The following RHBDD1 variants were observed in gnomAD, a reference collection of about 807,000 sequenced individuals.
The protein encoded by RHBDD1 is rhomboid-related protein 4.
In RHBDD1, 38 loss-of-function variants were observed where a neutral mutation model predicts 36.3. The ratio of observed to expected loss-of-function variants is 1.05; its 90% confidence interval spans 0.81 to 1.37. RHBDD1 has a LOEUF of 1.37. Among genes scored for constraint, RHBDD1 ranks in the 40% most tolerant of loss-of-function variants. The pLI is 0.00. For missense variants in RHBDD1, 393 were observed against 377.6 expected, an observed-to-expected ratio of 1.04 and a Z score of -0.34; for synonymous variants, 151 against 136.5, an observed-to-expected ratio of 1.11 and a Z score of -0.74.
At chr2:226,937,317 G>A (rs1046697632) in intron 8 of RHBDD1, among the ~76,000 whole-genome samples, 1 of 152,036 alleles carries the variant, frequency 6.6e-6, no homozygotes. Flanking sequence ...AAATAAAATA[G>A]TACCCGCTTT....
intron 8 of RHBDD1, among the ~76,000 whole-genome samples, chr2:226,949,545 G>A (rs760420119): frequency 6.6e-6 from 1 of 152,142 alleles, no homozygotes; most frequent in Non-Finnish European, 1.5e-5. Context: ...CACAGTCTAT[G>A]TACTTTATTG....
chr2:226,913,204 A>T (rs1383321694), intron 7 of RHBDD1, among the ~76,000 whole-genome samples: 1 of 152,048 alleles, frequency 6.6e-6, no homozygotes, highest in Non-Finnish European at 1.5e-5. Context: ...GTACTGCTGT[A>T]CTCTGTGGGA....
At chr2:226,918,570 C>G (rs1949084310) in intron 8 of RHBDD1, among the ~76,000 whole-genome samples, 1 of 152,016 alleles carries the variant, frequency 6.6e-6, no homozygotes, top group African/African-American at 2.4e-5. Flanking sequence ...CAAAATTTGT[C>G]TTTCTGTGCC....
Position 226,995,826 on chromosome 2 carries a change from T to C in RHBDD1, c.*304T>C. 1 of 353,386 alleles carries C rather than the reference T, an allele frequency of 2.8e-6. No individual in the cohort carries two copies. Among genetic ancestry groups the C allele is most frequent in the South Asian group, 5.4e-5 (1 of 18,618 alleles). 21.9% of individuals were successfully genotyped at this position (353,386 alleles called of 1,614,324 possible). ...AGCGATGCCTCTGCCTCGGTCTGCT[T>C]TTGAAGACTGTGACCTTCACCAGGA... is the stretch of plus-strand genomic sequence containing the variant. On this transcript the variant is annotated 3_prime_UTR_variant, in exon 9 of 9. Transcript: ENST00000392062.
intron 3 of RHBDD1, among the ~76,000 whole-genome samples, chr2:226,854,319 G>T (rs189065146): frequency 3.1e-4 from 47 of 152,190 alleles, no homozygotes; most frequent in Non-Finnish European, 4.3e-4. Context: ...AGGGCCGGGC[G>T]TGGTGGCTCA....
At chr2:226,887,362 A>G (rs1346318696) in intron 5 of RHBDD1, among the ~76,000 whole-genome samples, 3 of 152,230 alleles carry the variant, frequency 2.0e-5, no homozygotes, top group African/African-American at 4.8e-5. Flanking sequence ...TACCCAGAGA[A>G]CATTCAATTA....
At chr2:226,844,926 A>G (rs1382179789) in intron 3 of RHBDD1, among the ~76,000 whole-genome samples, 1 of 152,126 alleles carries the variant, frequency 6.6e-6, no homozygotes, top group African/African-American at 2.4e-5. Context: ...TTTAGCCATT[A>G]TTTTTTATGT....
chr2:226,944,271 G>A (rs558833594), intron 8 of RHBDD1, among the ~76,000 whole-genome samples: 1 of 152,286 alleles, frequency 6.6e-6, no homozygotes, highest in Admixed American at 6.5e-5. Flanking sequence ...CTCTATTGTA[G>A]ATAGGATTTT....
At chr2:226,809,964 C>T in the RHBDD1 span, among the ~76,000 whole-genome samples, 74 of 152,240 alleles carry the variant, frequency 4.9e-4, no homozygotes, top group African/African-American at 1.7e-3. Context: ...CATAAAATTA[C>T]CATGTCATTG....
intron 8 of RHBDD1, among the ~76,000 whole-genome samples, chr2:226,939,539 C>T (rs182358200): frequency 7.9e-5 from 12 of 151,960 alleles, no homozygotes; most frequent in Admixed American, 6.6e-4. Context: ...CTACAGATGC[C>T]GAGGAGTACA....
At position 226,864,938 on chromosome 2, in the gene RHBDD1, A is replaced by G; in HGVS notation, c.245A>G (p.Tyr82Cys). 1.9e-6 allele frequency: 3 copies of G among 1,614,248 alleles called. No homozygotes were observed. In the South Asian group the frequency reaches 3.3e-5, roughly 18 times the overall value. ...CACCATGCTGATGATTGGCATTTGTATTTCAATATGGCATCCATGCTCTGG... is the reference window on the plus strand; with the variant it reads ...CACCATGCTGATGATTGGCATTTGTGTTTCAATATGGCATCCATGCTCTGG... ...PLHHADDWHLYFNMASMLWKG... is the reference protein window; with the variant it reads ...PLHHADDWHLCFNMASMLWKG... The change falls in exon 4 of 9, where the codon TAT (tyrosine) becomes TGT (cysteine). Residue 82 changes from tyrosine to cysteine, a missense_variant. Transcript: ENST00000392062.
intron 3 of RHBDD1, among the ~76,000 whole-genome samples, chr2:226,854,695 A>T (rs1943151922): frequency 6.6e-6 from 1 of 151,990 alleles, no homozygotes; most frequent in South Asian, 2.1e-4. Flanking sequence ...TCCAGAGTCC[A>T]TTCCATTAAT....
intron 5 of RHBDD1, among the ~76,000 whole-genome samples, chr2:226,898,843 G>C (rs900626445): frequency 2.6e-5 from 4 of 152,128 alleles, no homozygotes; most frequent in Admixed American, 2.0e-4. Flanking sequence ...GGAAGAAATC[G>C]TGGAGAGTAC....
At chr2:226,920,684 T>C (rs1306017056) in intron 8 of RHBDD1, among the ~76,000 whole-genome samples, 1 of 152,178 alleles carries the variant, frequency 6.6e-6, no homozygotes, top group African/African-American at 2.4e-5. Flanking sequence ...ACCACATTGA[T>C]TGATCTGCTT....
intron 8 of RHBDD1, among the ~76,000 whole-genome samples, chr2:226,966,647 C>A (rs149456816): frequency 5.3e-5 from 8 of 152,162 alleles, no homozygotes; most frequent in African/African-American, 1.9e-4. Flanking sequence ...TTTAAATAGC[C>A]ATGTGTGCCT....
At chr2:226,930,329 A>C (rs1184103883) in intron 8 of RHBDD1, among the ~76,000 whole-genome samples, 1 of 152,126 alleles carries the variant, frequency 6.6e-6, no homozygotes, top group East Asian at 1.9e-4. Context: ...AATGGAACAG[A>C]ATAGAGAACC....
intron 5 of RHBDD1, among the ~76,000 whole-genome samples, chr2:226,890,938 C>T (rs1946629189): frequency 6.6e-6 from 1 of 152,140 alleles, no homozygotes; most frequent in Non-Finnish European, 1.5e-5. Flanking sequence ...TATGATGAAA[C>T]TCAGATTCTT....
rs556553118 is a variant in RHBDD1 at position 226,891,865 on chromosome 2, C to G, written c.567-14928C>G. 1.2e-3 allele frequency among the ~76,000 whole-genome samples: 177 copies of G among 152,276 alleles called. 1 individual carries two copies. The highest frequency in any genetic ancestry group is 2.1e-3 in the Non-Finnish European group (144 of 68,014). On this transcript the variant is annotated intron_variant, in intron 5 of 8. Coordinates refer to ENST00000392062, the MANE Select transcript of RHBDD1 (RefSeq NM_001167608.3). ...TGGCAGGATGCTTGTTGCCATTGGTCAGTGCTTCACTGGACTGTCATCACT... is the reference window on the plus strand; with the variant it reads ...TGGCAGGATGCTTGTTGCCATTGGTGAGTGCTTCACTGGACTGTCATCACT...
chr2:226,919,435 T>C lies in RHBDD1; in HGVS notation c.856+5084T>C, dbSNP rs78546865. Reference sequence around the variant, plus strand: ...GGAGAGATTCCCCAACATTTTCTTTTAGTAGACTCATAGTTTGAGGTCTTA... The same window carrying C: ...GGAGAGATTCCCCAACATTTTCTTTCAGTAGACTCATAGTTTGAGGTCTTA... On this transcript the variant is annotated intron_variant, in intron 8 of 8. Coordinates refer to ENST00000392062, the MANE Select transcript of RHBDD1 (RefSeq NM_001167608.3). Among the ~76,000 whole-genome samples, 915 of 152,242 alleles carry C rather than the reference T, an allele frequency of 6.0e-3. 7 individuals carry two copies. Among genetic ancestry groups the C allele is most frequent in the African/African-American group, 0.021 (868 of 41,586 alleles).
Sources: gnomAD v4.1 joint callset for allele counts (sites outside exome capture counted in the v4.1 genomes callset) on GRCh38, gnomAD v4.1.1 for gene constraint, MANE v1.5 for transcripts, NCBI Gene and HGNC (gene_info 2026-07-23, HGNC 2026-07-21) for gene names.